Variants in KPNA1 observed in about 807,000 individuals in gnomAD.
The protein encoded by KPNA1 is karyopherin subunit alpha 1.
Under a neutral mutation model 70.5 loss-of-function variants are expected in KPNA1, and 10 were observed. That is an observed-to-expected ratio of 0.14 (90% CI 0.09 to 0.24). KPNA1 has a LOEUF of 0.24. Among genes scored for constraint, KPNA1 ranks in the 10% least tolerant of loss-of-function variants. The pLI is 1.00. For missense variants in KPNA1, 397 were observed against 637.9 expected (o/e 0.62, Z 4.07); for synonymous variants, 192 against 221.9 (o/e 0.87, Z 1.20).
In KPNA1 at chr3:122,423,510, A is replaced by G. The variant is rs1403219048; in HGVS notation, c.*3475T>C. ...TACTTAAAAACCATCAACCCCTAAA[A>G]AGTTATAATGATTTGCCTATTGATA... On this transcript the variant is annotated 3_prime_UTR_variant, in exon 14 of 14. Coordinates refer to ENST00000344337, the MANE Select transcript of KPNA1 (RefSeq NM_002264.4). 6.6e-6 allele frequency: 1 copy of G among 152,542 alleles called. No individual in the cohort carries two copies. Among genetic ancestry groups the G allele is most frequent in the East Asian group, 1.9e-4 (1 of 5,192 alleles). 9.4% of individuals were successfully genotyped at this position (152,542 alleles called of 1,614,324 possible). A position where few individuals can be genotyped will look rare whatever the true frequency, so the allele number is the denominator to read the frequency against.
rs117170152 is a variant in KPNA1, at chr3:122,485,161, G to A, written c.129+11276C>T. 5.9e-4 allele frequency among the ~76,000 whole-genome samples: 90 copies of A among 152,042 alleles called. 1 individual carries two copies. The East Asian group carries it at 0.012, about 21-fold the overall frequency. ...ACTCCTGTGCTTAAGCAATCTTCCC[G>A]CCTCGGCCTCCCAAAGTGCTGAGAT... is the stretch of plus-strand genomic sequence containing the variant. On this transcript the variant is annotated intron_variant, in intron 2 of 13. Transcript: ENST00000344337.
At chr3:122,428,867 C>G (rs913657461) in intron 12 of KPNA1, among the ~76,000 whole-genome samples, 1 of 152,144 alleles carries the variant, frequency 6.6e-6, no homozygotes, top group Admixed American at 6.5e-5. Context: ...CTTCTTAACT[C>G]AATCTTTGAG....
At chr3:122,499,451 C>CTT (rs200134174) in intron 1 of KPNA1, among the ~76,000 whole-genome samples, 2 of 148,084 alleles carry the variant, frequency 1.4e-5, no homozygotes, top group Non-Finnish European at 1.5e-5. Context: ...ATTTTTTTTT[C>CTT]TTTTTTTTTA....
chr3:122,512,320 T>C (rs1050822623), intron 1 of KPNA1, among the ~76,000 whole-genome samples: 6 of 152,178 alleles, frequency 3.9e-5, no homozygotes, highest in South Asian at 2.1e-4. Flanking sequence ...TAGATATTAA[T>C]GAAGAAAAGA....
intron 1 of KPNA1, among the ~76,000 whole-genome samples, chr3:122,513,211 A>G (rs945364567): frequency 3.9e-5 from 6 of 152,242 alleles, no homozygotes; most frequent in Non-Finnish European, 7.3e-5. Flanking sequence ...TTGATTGTCA[A>G]TGCTTTCATC....
At chr3:122,513,260 T>C (rs1236599392) in intron 1 of KPNA1, among the ~76,000 whole-genome samples, 1 of 152,240 alleles carries the variant, frequency 6.6e-6, no homozygotes, top group African/African-American at 2.4e-5. Context: ...CAGATTCAAA[T>C]GTTTTTAATA....
chr3:122,434,864 C>T (rs1241383931), intron 11 of KPNA1, among the ~76,000 whole-genome samples: 3 of 152,186 alleles, frequency 2.0e-5, no homozygotes, highest in African/African-American at 4.8e-5. Context: ...TGGTGACAGG[C>T]AATCAAATAC....
At chr3:122,513,743 T>C (rs968570242) in intron 1 of KPNA1, among the ~76,000 whole-genome samples, 9 of 152,028 alleles carry the variant, frequency 5.9e-5, no homozygotes, top group Non-Finnish European at 1.3e-4. Flanking sequence ...TTCAAGTTAA[T>C]ATTACTTGAC....
chr3:122,477,921 T>TGG (rs2076521474), intron 2 of KPNA1, among the ~76,000 whole-genome samples: 1 of 150,542 alleles, frequency 6.6e-6, no homozygotes, highest in African/African-American at 2.4e-5. Context: ...CCCAGCACTT[T>TGG]GGGTGGTCAA....
rs372085451 is a variant in KPNA1 at position 122,449,766 on chromosome 3, T to C, written c.754-29A>G. On this transcript the variant is annotated intron_variant, in intron 8 of 13. Coordinates refer to ENST00000344337, the MANE Select transcript of KPNA1 (RefSeq NM_002264.4). Reference sequence around the variant, plus strand: ...TAAAAGGAAAATGATGATTATGAAATTCAATAGACTAAAAGCCAGAAGTGA... The same window carrying C: ...TAAAAGGAAAATGATGATTATGAAACTCAATAGACTAAAAGCCAGAAGTGA... The C allele has an allele frequency of 7.4e-5, 117 of 1,584,514 alleles. 2 individuals are homozygous for C. Among genetic ancestry groups the C allele is most frequent in the East Asian group, 3.9e-4 (17 of 43,838 alleles).
Position 122,423,987 on chromosome 3 carries a change from C to T in KPNA1, c.*2998G>A, listed in dbSNP as rs1195686715. ...GAAAGTGTTCCACAGAGAACTGTGT[C>T]TCCTAAAATCTCTTTCTTCTATCAT... On this transcript the variant is annotated 3_prime_UTR_variant, in exon 14 of 14. Coordinates refer to ENST00000344337, the MANE Select transcript of KPNA1 (RefSeq NM_002264.4). The T allele has an allele frequency of 6.6e-6, 1 of 152,148 alleles. No homozygotes were observed. Among genetic ancestry groups the T allele is most frequent in the Non-Finnish European group, 1.5e-5 (1 of 68,012 alleles). 9.4% of individuals were successfully genotyped at this position (152,148 alleles called of 1,614,324 possible). A position where few individuals can be genotyped will look rare whatever the true frequency, so the allele number is the denominator to read the frequency against.
intron 1 of KPNA1, among the ~76,000 whole-genome samples, chr3:122,497,080 AT>A (rs1480379206): frequency 3.9e-5 from 6 of 152,210 alleles, no homozygotes; most frequent in African/African-American, 1.4e-4. Flanking sequence ...AACCTTCATC[AT>A]AGTGAATTTT....
intron 5 of KPNA1, chr3:122,457,677 A>C (rs2076279101): frequency 1.6e-6 from 2 of 1,258,220 alleles, no homozygotes; most frequent in Non-Finnish European, 2.1e-6. Flanking sequence ...TCTGGCGCTC[A>C]GTTCCTTAAA....
chr3:122,511,110 G>A (rs1424544655), intron 1 of KPNA1, among the ~76,000 whole-genome samples: 1 of 152,176 alleles, frequency 6.6e-6, no homozygotes, highest in Non-Finnish European at 1.5e-5. Flanking sequence ...GGTTTTGCAA[G>A]AACAAGTAAG....
chr3:122,430,540 G>GTGTGTGTC (rs1418768145), intron 12 of KPNA1, among the ~76,000 whole-genome samples: 1 of 129,866 alleles, frequency 7.7e-6, no homozygotes, highest in Non-Finnish European at 1.8e-5. Flanking sequence ...GTGTGTGTGT[G>GTGTGTGTC]TGTGGTTTCT....
chr3:122,476,881 A>AAAAAAAAAAAC (rs1560042634), intron 2 of KPNA1, among the ~76,000 whole-genome samples: 2 of 149,928 alleles, frequency 1.3e-5, no homozygotes, highest in African/African-American at 4.9e-5. Context: ...AAAAAAAAAA[A>AAAAAAAAAAAC]AAACTAAAAA....
At position 122,442,119 on chromosome 3, in the gene KPNA1, G is replaced by A. The variant is rs1468756441; in HGVS notation, c.918-3C>T. The A allele has an allele frequency of 1.2e-6, 2 of 1,608,364 alleles. No homozygotes were observed. Among genetic ancestry groups the A allele is most frequent in the East Asian group, 4.5e-5 (2 of 44,836 alleles). On this transcript the variant is annotated splice_region_variant and splice_polypyrimidine_tract_variant and intron_variant, in intron 9 of 13. Coordinates refer to ENST00000344337, the MANE Select transcript of KPNA1 (RefSeq NM_002264.4). ...AAACCACTTTATAATCATTATGCCT[G>A]CAAAAACAAAAAGTAATGTTATAGC...
chr3:122,472,088 T>C (rs968631008), intron 2 of KPNA1, among the ~76,000 whole-genome samples: 3 of 152,130 alleles, frequency 2.0e-5, no homozygotes, highest in Non-Finnish European at 2.9e-5. Flanking sequence ...ATTAATCAAC[T>C]GGATATAATG....
chr3:122,459,346 T>C, intron 5 of KPNA1: 1 of 868,322 alleles, frequency 1.2e-6, no homozygotes, highest in Non-Finnish European at 1.4e-6. Flanking sequence ...AACCGCCAGA[T>C]CAAGGAGTAA....
Sources: allele counts gnomAD v4.1 joint callset (sites outside exome capture counted in the v4.1 genomes callset), GRCh38; gene constraint gnomAD v4.1.1; transcripts MANE v1.5; gene names NCBI Gene and HGNC (gene_info 2026-07-23, HGNC 2026-07-21).